Variants in CSMD1 observed in about 807,000 individuals in gnomAD.
The protein encoded by CSMD1 is CUB and sushi domain-containing protein 1.
Under a neutral mutation model 417.5 loss-of-function variants are expected in CSMD1, and 213 were observed. The observed-to-expected ratio is 0.51, with a 90% CI of 0.46 to 0.57. The LOEUF (loss-of-function observed/expected upper bound fraction) is 0.57, where lower values mean the gene tolerates loss of function less well. CSMD1 is among the 20% of genes least tolerant of loss of function. The pLI is 0.00. For synonymous variants in CSMD1, 2,862 were observed against 1,736.8 expected (o/e 1.65, Z -16.11); for missense variants, 6,923 against 4,529.7 (o/e 1.53, Z -15.17).
At chr8:3,060,185 G>C (rs539354121) in intron 49 of CSMD1, among the ~76,000 whole-genome samples, 2 of 140,194 alleles carry the variant, frequency 1.4e-5, no homozygotes, top group Admixed American at 7.6e-5. Context: ...TCACTCTGTC[G>C]CCCAGGCTGG....
chr8:3,623,089 T>C (rs755833031), intron 7 of CSMD1, among the ~76,000 whole-genome samples: 1 of 152,330 alleles, frequency 6.6e-6, no homozygotes, highest in Middle Eastern at 3.4e-3. Flanking sequence ...ACACCATTAA[T>C]ATTAAAGAAA....
intron 5 of CSMD1, among the ~76,000 whole-genome samples, chr8:3,932,999 G>C (rs1810258515): frequency 6.8e-6 from 1 of 146,730 alleles, no homozygotes; most frequent in Admixed American, 6.8e-5. Flanking sequence ...CTTTTTAAAT[G>C]TTTAACATTA....
chr8:4,311,458 C>T (rs760093221), intron 3 of CSMD1, among the ~76,000 whole-genome samples: 27 of 152,100 alleles, frequency 1.8e-4, no homozygotes, highest in African/African-American at 5.8e-4. Context: ...CATCGTGGCT[C>T]ACAGCTGTAA....
chr8:4,739,796 C>T, intron 1 of CSMD1, among the ~76,000 whole-genome samples: 1 of 152,134 alleles, frequency 6.6e-6, no homozygotes, highest in East Asian at 1.9e-4. Flanking sequence ...CTTTTTCTTA[C>T]CTGCTGCAAC....
At chr8:3,568,397 A>C (rs574998301) in intron 10 of CSMD1, among the ~76,000 whole-genome samples, 1 of 152,210 alleles carries the variant, frequency 6.6e-6, no homozygotes. Flanking sequence ...TCAATTATAC[A>C]TCAATAAAGC....
chr8:3,496,331 G>A (rs983872839), intron 10 of CSMD1, among the ~76,000 whole-genome samples: 2 of 152,232 alleles, frequency 1.3e-5, no homozygotes, highest in East Asian at 1.9e-4. Flanking sequence ...TGTTCTGCCT[G>A]CCCTGCAGAG....
At chr8:3,462,310 T>C (rs1198790899) in intron 12 of CSMD1, among the ~76,000 whole-genome samples, 1 of 152,102 alleles carries the variant, frequency 6.6e-6, no homozygotes, top group Non-Finnish European at 1.5e-5. Flanking sequence ...CCCTGTAGCA[T>C]CATTTAAGGC....
At chr8:3,261,698 C>G (rs1188141989) in intron 26 of CSMD1, among the ~76,000 whole-genome samples, 2 of 152,044 alleles carry the variant, frequency 1.3e-5, no homozygotes, top group African/African-American at 4.8e-5. Flanking sequence ...ATGCAACAAG[C>G]CGGCCCCATC....
intron 1 of CSMD1, among the ~76,000 whole-genome samples, chr8:4,991,665 G>C (rs917151871): frequency 1.3e-5 from 2 of 152,218 alleles, no homozygotes; most frequent in East Asian, 3.9e-4. Context: ...GCGCGCTGCC[G>C]AGCCCCGGGG....
intron 2 of CSMD1, among the ~76,000 whole-genome samples, chr8:4,442,930 G>A (rs1218956175): frequency 2.0e-5 from 3 of 152,036 alleles, no homozygotes; most frequent in Non-Finnish European, 4.4e-5. Flanking sequence ...AATGATATTT[G>A]TCCCTCAACG....
Position 4,797,812 on chromosome 8 carries a change from T to C in CSMD1, c.86-160254A>G, listed in dbSNP as rs570553553. On this transcript the variant is annotated intron_variant, in intron 1 of 69. Coordinates refer to ENST00000635120, the MANE Select transcript of CSMD1 (RefSeq NM_033225.6). The stretch of plus-strand genomic sequence containing the variant: ...AGAAATTTAAAAATACTTGTGCTCA[T>C]GTAACAAAAAATGTATAATTATCAA... Among the ~76,000 whole-genome samples the C allele has an allele frequency of 1.8e-4, 28 of 152,268 alleles. 1 individual carries two copies. The highest frequency in any genetic ancestry group is 9.8e-4 in the Admixed American group (15 of 15,298).
At chr8:4,177,059 T>C (rs945217549) in intron 3 of CSMD1, among the ~76,000 whole-genome samples, 28 of 152,130 alleles carry the variant, frequency 1.8e-4, no homozygotes, top group African/African-American at 6.8e-4. Context: ...GGAATTGAAC[T>C]CATCTCTGCA....
chr8:3,208,041 CT>C (rs1176175200), intron 30 of CSMD1, among the ~76,000 whole-genome samples: 24 of 152,184 alleles, frequency 1.6e-4, no homozygotes, highest in African/African-American at 4.6e-4. Context: ...CCTATCTTTC[CT>C]TTTCCTCAAA....
chr8:3,638,294 T>G (rs1462168104), intron 7 of CSMD1, among the ~76,000 whole-genome samples: 1 of 152,100 alleles, frequency 6.6e-6, no homozygotes, highest in Non-Finnish European at 1.5e-5. Context: ...ACATAGAAAA[T>G]GTGTCATCCA....
chr8:3,852,728 G>C (rs1422909962), intron 5 of CSMD1, among the ~76,000 whole-genome samples: 1 of 151,966 alleles, frequency 6.6e-6, no homozygotes, highest in Admixed American at 6.6e-5. Context: ...GAGATGGAGG[G>C]TCAGGTAAGC....
chr8:4,977,532 T>C (rs1438286871), intron 1 of CSMD1, among the ~76,000 whole-genome samples: 1 of 152,154 alleles, frequency 6.6e-6, no homozygotes, highest in Non-Finnish European at 1.5e-5. Context: ...CAGAGCTCCC[T>C]TTGAGAGGGA....
rs569937231 is a variant in CSMD1, at chr8:3,268,693, C to T, written c.4153+15451G>A. Among the ~76,000 whole-genome samples, 8 of 152,216 alleles carry T rather than the reference C, an allele frequency of 5.3e-5. No homozygotes were observed. In the South Asian group the frequency reaches 1.7e-3, roughly 32 times the overall value. Reference sequence around the variant, plus strand: ...TGTTTTTAAAGACATTGTGATAATCCAGTGAATTAAATGTGGACCATTTCT... The same window carrying T: ...TGTTTTTAAAGACATTGTGATAATCTAGTGAATTAAATGTGGACCATTTCT... On this transcript the variant is annotated intron_variant, in intron 26 of 69. Coordinates refer to ENST00000635120, the MANE Select transcript of CSMD1 (RefSeq NM_033225.6).
At position 3,181,250 on chromosome 8, in the gene CSMD1, C is replaced by G. The variant is rs534147411; in HGVS notation, c.5621-36G>C. 1.1e-5 allele frequency: 15 copies of G among 1,316,888 alleles called. No homozygotes were observed. In the African/African-American group the frequency reaches 1.9e-4, roughly 16 times the overall value. The allele number at this position is 1,316,888 out of a possible 1,614,324, so 81.6% of individuals were successfully genotyped here. On this transcript the variant is annotated intron_variant, in intron 36 of 69. Transcript: ENST00000635120. ...CAATGCAGATAGAATTGTAACACTA[C>G]AAATACATTCACTTTTCTAAATATA...
intron 12 of CSMD1, among the ~76,000 whole-genome samples, chr8:3,413,846 A>G (rs1812963877): frequency 6.6e-6 from 1 of 152,064 alleles, no homozygotes; most frequent in Admixed American, 6.6e-5. Flanking sequence ...TTTCTTAGAA[A>G]CAAACACTAC....
Sources: allele counts gnomAD v4.1 joint callset (sites outside exome capture counted in the v4.1 genomes callset), GRCh38; gene constraint gnomAD v4.1.1; transcripts MANE v1.5; gene names NCBI Gene and HGNC (gene_info 2026-07-23, HGNC 2026-07-21).